The following MKI67 variants were observed in gnomAD, a reference collection of about 807,000 sequenced individuals.
MKI67 encodes the protein marker of proliferation Ki-67, also known as proliferation marker protein Ki-67.
MKI67 carries 152 observed loss-of-function variants against 233.5 expected under a neutral mutation model. The observed-to-expected ratio is 0.65, with a 90% CI of 0.57 to 0.74. The LOEUF (loss-of-function observed/expected upper bound fraction) is 0.74. Ranked by LOEUF, MKI67 falls within the 30% of genes least tolerant of loss-of-function variation. The pLI is 0.00. For missense variants in MKI67, 3,940 were observed against 3,885.2 expected (o/e 1.01, Z -0.37); for synonymous variants, 1,465 against 1,418.5 (o/e 1.03, Z -0.74).
chr10:128,103,529 T>G lies in MKI67; in HGVS notation c.8311A>C (p.Lys2771Gln). ...KGIKALKESA[K>Q]QTPAPAASVT... Reference sequence around the variant, plus strand: ...CTTGCTGCTGGAGCCGGTGTCTGTTTTGCAGATTCCTTCAATGCTTTGATG... The same window carrying G: ...CTTGCTGCTGGAGCCGGTGTCTGTTGTGCAGATTCCTTCAATGCTTTGATG... The change falls in exon 13 of 15, where the codon AAA (lysine) becomes CAA (glutamine). Residue 2771 changes from lysine to glutamine, a missense_variant. Coordinates refer to ENST00000368654, the MANE Select transcript of MKI67 (RefSeq NM_002417.5). 6.2e-7 allele frequency: 1 copy of G among 1,613,800 alleles called. No individual in the cohort carries two copies. Among genetic ancestry groups the G allele is most frequent in the Non-Finnish European group, 8.5e-7 (1 of 1,179,894 alleles).
In MKI67 at chr10:128,112,456, A is replaced by T. The variant is rs764757613; in HGVS notation, c.1657-11T>A. The stretch of plus-strand genomic sequence containing the variant: ...TGGTTGAGGCTGTTCCTGACAAGAC[A>T]AAATTGTTTACAAGAAGCCTTAACA... On this transcript the variant is annotated splice_polypyrimidine_tract_variant and intron_variant, in intron 8 of 14. Transcript: ENST00000368654. The T allele has an allele frequency of 6.2e-7, 1 of 1,611,458 alleles. No individual in the cohort carries two copies. The highest frequency in any genetic ancestry group is 1.1e-5 in the South Asian group (1 of 91,014).
Position 128,109,354 on chromosome 10 carries a change from G to A in MKI67, c.2486C>T (p.Pro829Leu). The stretch of plus-strand genomic sequence containing the variant: ...TTCTCTAATACACTGCCGTCTTAAG[G>A]GAGGGCTTGCAGAGCATTTATCAGA... ...QPSDKCSASP[P>L]LRRQCIRENG... Residue 829 changes from proline (P) to leucine (L), a missense_variant, in exon 13 of 15, where the codon CCC (proline) becomes CTC (leucine). Transcript: ENST00000368654. 6.2e-7 allele frequency: 1 copy of A among 1,614,160 alleles called. No homozygotes were observed. The highest frequency in any genetic ancestry group is 8.5e-7 in the Non-Finnish European group (1 of 1,180,028).
chr10:128,102,528 T>C, intron 13 of MKI67, 51 bp downstream of exon 13: 1 of 1,577,282 alleles, frequency 6.3e-7, no homozygotes. Flanking sequence ...AACACAGAAA[T>C]TCACAACTAT....
chr10:128,123,893 A>G (rs943376474), intron 2 of MKI67, among the ~76,000 whole-genome samples: 5 of 152,232 alleles, frequency 3.3e-5, no homozygotes, highest in Non-Finnish European at 7.3e-5. Flanking sequence ...CTAAACCTAT[A>G]CAAACTAATA....
At chr10:128,110,827 G>T (rs1852659015) in intron 11 of MKI67, among the ~76,000 whole-genome samples, 1 of 152,204 alleles carries the variant, frequency 6.6e-6, no homozygotes, top group Admixed American at 6.5e-5. Flanking sequence ...GTGAGCTCTG[G>T]AGCACGGAGG....
At position 128,125,152 on chromosome 10, in the gene MKI67, C is replaced by T. The variant is rs1305881862; in HGVS notation, c.92+424G>A. 6.6e-6 allele frequency among the ~76,000 whole-genome samples: 1 copy of T among 152,130 alleles called. No individual in the cohort carries two copies. Among genetic ancestry groups the T allele is most frequent in the Non-Finnish European group, 1.5e-5 (1 of 68,024 alleles). The stretch of plus-strand genomic sequence containing the variant: ...ATTCCAGGCAGGAAGACTTTCTGTC[C>T]CATTTTCCTATTGCCACAAGGAGCC... On this transcript the variant is annotated intron_variant, in intron 2 of 14. Coordinates refer to ENST00000368654, the MANE Select transcript of MKI67 (RefSeq NM_002417.5). The surrounding 1 kb of genome is among the most constrained non-coding windows in gnomAD (Gnocchi z 5.3).
Position 128,107,740 on chromosome 10 carries a change from T to G in MKI67, c.4100A>C (p.Lys1367Thr). Residue 1367 changes from lysine (K) to threonine (T), a missense_variant, in exon 13 of 15, where the codon AAA becomes ACA. Coordinates refer to ENST00000368654, the MANE Select transcript of MKI67 (RefSeq NM_002417.5). ...GHTEEAVAAG[K>T]TTKMPCESSP... ...AGATTCGCAGGGCATTTTAGTAGTT[T>G]TGCCAGCAGCCACTGCTTCTTCAGT... is the stretch of plus-strand genomic sequence containing the variant. 1 of 1,613,804 alleles carries G rather than the reference T, an allele frequency of 6.2e-7. No individual in the cohort carries two copies. The highest frequency in any genetic ancestry group is 1.7e-4 in the Middle Eastern group (1 of 6,058).
At chr10:128,118,786 T>C (rs1337815595) in intron 5 of MKI67, among the ~76,000 whole-genome samples, 1 of 152,200 alleles carries the variant, frequency 6.6e-6, no homozygotes, top group Non-Finnish European at 1.5e-5. Flanking sequence ...AAGCACAGGA[T>C]CCCTTTTCCT....
chr10:128,102,973 A>G lies in MKI67; in HGVS notation c.8867T>C (p.Leu2956Pro). 1.2e-6 allele frequency: 2 copies of G among 1,614,170 alleles called. No individual in the cohort carries two copies. The highest frequency in any genetic ancestry group is 1.7e-6 in the Non-Finnish European group (2 of 1,180,026). ...PKQTPDSGKPLKISRRVLRAP... is the reference protein window; with the variant it reads ...PKQTPDSGKPPKISRRVLRAP... ...CCGAAGAACTCTTCTGGATATTTTT[A>G]GAGGTTTTCCACTGTCAGGTGTTTG... Residue 2956 changes from leucine (L) to proline (P), a missense_variant, in exon 13 of 15, where the codon CTA becomes CCA. Coordinates refer to ENST00000368654, the MANE Select transcript of MKI67 (RefSeq NM_002417.5).
chr10:128,111,669 T>C lies in MKI67; in HGVS notation c.2236A>G (p.Met746Val), dbSNP rs771562070. The part of the protein sequence containing the change: ...VLNNFISNQK[M>V]DFKEDLSGIA... ...CCTGAAAGATCTTCCTTAAAGTCCA[T>C]TTTTTGGTTGGAAATGAAGTTGTTG... The change falls in exon 11 of 15, where the codon ATG (methionine) becomes GTG (valine). Residue 746 changes from methionine (M) to valine (V), a missense_variant. By Grantham distance (21) the Met-to-Val change is conservative. Coordinates refer to ENST00000368654, the MANE Select transcript of MKI67 (RefSeq NM_002417.5). 1.9e-6 allele frequency: 3 copies of C among 1,612,266 alleles called. No individual in the cohort carries two copies. The highest frequency in any genetic ancestry group is 2.5e-6 in the Non-Finnish European group (3 of 1,179,442).
At chr10:128,110,953 G>A (rs534478612) in intron 11 of MKI67, among the ~76,000 whole-genome samples, 4 of 152,240 alleles carry the variant, frequency 2.6e-5, no homozygotes, top group African/African-American at 7.2e-5. Context: ...CAAATAACAC[G>A]TACCCACATT....
In MKI67 at chr10:128,115,368, G is replaced by T. The variant is rs141776380; in HGVS notation, c.1040C>A (p.Thr347Asn). 568 of 1,614,162 alleles carry T rather than the reference G, an allele frequency of 3.5e-4. 4 individuals are homozygous for T. In the East Asian group the frequency reaches 0.011, roughly 32 times the overall value. ...FPLYEPAKMK[T>N]PVQYSQQQNS... The stretch of plus-strand genomic sequence containing the variant: ...TTGTTGCTGTGAATATTGTACAGGG[G>T]TCTTCATTTTAGCCGGCTCATAGAG... Residue 347 changes from threonine to asparagine, a missense_variant, in exon 7 of 15, where the codon ACC becomes AAC. By Grantham distance (65) the Thr-to-Asn change is moderately conservative. Transcript: ENST00000368654.
rs1205172248 is a variant in MKI67 at position 128,115,467 on chromosome 10, T to C, written c.941A>G (p.Asp314Gly). The part of the protein sequence containing the change: ...AEPASPEQEL[D>G]QNKGKGRDVE... ...GTCTCTTCCCTTCCCCTTGTTCTGG[T>C]CAAGCTCTTGTTCAGGTGAAGCAGG... Residue 314 changes from aspartate to glycine, a missense_variant, in exon 7 of 15, where the codon GAC (aspartate) becomes GGC (glycine). Coordinates refer to ENST00000368654, the MANE Select transcript of MKI67 (RefSeq NM_002417.5). The C allele has an allele frequency of 6.2e-7, 1 of 1,613,796 alleles. No homozygotes were observed. The highest frequency in any genetic ancestry group is 1.7e-5 in the Admixed American group (1 of 59,936).
Position 128,108,601 on chromosome 10 carries a change from G to A in MKI67, c.3239C>T (p.Ala1080Val), listed in dbSNP as rs772177571. The A allele has an allele frequency of 6.2e-7, 1 of 1,614,022 alleles. No homozygotes were observed. Among genetic ancestry groups the A allele is most frequent in the African/African-American group, 1.3e-5 (1 of 74,912 alleles). The change falls in exon 13 of 15, where the codon GCC (alanine) becomes GTC (valine). Residue 1080 changes from alanine to valine, a missense_variant. Transcript: ENST00000368654. The part of the protein sequence containing the change: ...ESPKQILDPA[A>V]RVTGMKKWPR... ...CCACTTCTTCATTCCAGTTACACGG[G>A]CTGCTGGGTCCAGGATCTGCTTTGG... is the stretch of plus-strand genomic sequence containing the variant.
rs1441240510 is a variant in MKI67, at chr10:128,107,127, G to A, written c.4713C>T (p.Ser1571=). ...CCTTAGGAGTTTGTAGCCGTCTCTT[G>A]CTGCCAGTTAAGTTCTCTGTCAGGT... is the stretch of plus-strand genomic sequence containing the variant. The part of the protein sequence containing the change: ...KLDLTENLTG[S]KRRLQTPKEK... The change falls in exon 13 of 15, where the codon AGC becomes AGT. Residue 1571 remains serine, a synonymous_variant. Coordinates refer to ENST00000368654, the MANE Select transcript of MKI67 (RefSeq NM_002417.5). 8.1e-6 allele frequency: 13 copies of A among 1,613,546 alleles called. No homozygotes were observed. The highest frequency in any genetic ancestry group is 1.1e-5 in the Non-Finnish European group (13 of 1,179,896).
intron 4 of MKI67, among the ~76,000 whole-genome samples, chr10:128,120,886 A>G (rs1439729470): frequency 6.6e-6 from 1 of 152,176 alleles, no homozygotes; most frequent in East Asian, 1.9e-4. Flanking sequence ...GAAAAAGGAC[A>G]TTTTATATAA....
In MKI67 at chr10:128,104,055, G is replaced by C; in HGVS notation, c.7785C>G (p.Asp2595Glu). ...GGCATCTCTTTGTGCTCGTGGCAGTGTCTGTTAGTTCTGGTGGGGGAGATT... is the reference window on the plus strand; with the variant it reads ...GGCATCTCTTTGTGCTCGTGGCAGTCTCTGTTAGTTCTGGTGGGGGAGATT... Reference protein sequence around the residue: ...PCKSPPPELTDTATSTKRCPK... With the variant: ...PCKSPPPELTETATSTKRCPK... Residue 2595 changes from aspartate to glutamate, a missense_variant, in exon 13 of 15, where the codon GAC becomes GAG. Physicochemically the swap from Asp to Glu is conservative, Grantham distance 45. Transcript: ENST00000368654. 1 of 1,614,056 alleles carries C rather than the reference G, an allele frequency of 6.2e-7. No individual in the cohort carries two copies. Among genetic ancestry groups the C allele is most frequent in the South Asian group, 1.1e-5 (1 of 91,080 alleles).
chr10:128,102,786 T>G lies in MKI67; in HGVS notation c.9054A>C (p.Pro3018=). Residue 3018 remains proline (P), a synonymous_variant, in exon 13 of 15, where the codon CCA becomes CCC. Coordinates refer to ENST00000368654, the MANE Select transcript of MKI67 (RefSeq NM_002417.5). ...CTGGCAGCTCCTCCACAATTTCCTC[T>G]GGTGCTGGCATGCAGCGCAGCCTCT... is the stretch of plus-strand genomic sequence containing the variant. ...GTKRLRCMPA[P]EEIVEELPAS... is the part of the protein sequence containing the mutation. 6.2e-7 allele frequency: 1 copy of G among 1,614,236 alleles called. No individual in the cohort carries two copies. The highest frequency in any genetic ancestry group is 2.2e-5 in the East Asian group (1 of 44,890).
chr10:128,125,646 C>A lies in MKI67; in HGVS notation c.22G>T (p.Val8Phe). 1 of 1,613,848 alleles carries A rather than the reference C, an allele frequency of 6.2e-7. No individual in the cohort carries two copies. Among genetic ancestry groups the A allele is most frequent in the African/African-American group, 1.3e-5 (1 of 75,008 alleles). Residue 8 changes from valine to phenylalanine, a missense_variant, in exon 2 of 15, where the codon GTT becomes TTT. Physicochemically the swap from Val to Phe is conservative, Grantham distance 50. Coordinates refer to ENST00000368654, the MANE Select transcript of MKI67 (RefSeq NM_002417.5). This position sits in a 1 kb window ranked among gnomAD's most constrained non-coding sequence, Gnocchi z 5.3. ...TCGACCCCGCTCCTTTTGATAGTAA[C>A]CAGGCGTCTCGTGGGCCACATTTTC... Reference protein sequence around the residue: MWPTRRLVTIKRSGVDGP... With the variant: MWPTRRLFTIKRSGVDGP...
Sources: allele counts gnomAD v4.1 joint callset (sites outside exome capture counted in the v4.1 genomes callset), GRCh38; gene constraint gnomAD v4.1.1; non-coding constraint Gnocchi (gnomAD v3.1); transcripts MANE v1.5; gene names NCBI Gene and HGNC (gene_info 2026-07-23, HGNC 2026-07-21).